ZBTB7C: variants seen among roughly 807,000 people sequenced by gnomAD.
ZBTB7C encodes the protein zinc finger and BTB domain containing 7C.
ZBTB7C carries 8 observed loss-of-function variants against 25.7 expected under a neutral mutation model. The observed-to-expected ratio is 0.31, with a 90% CI of 0.18 to 0.56. ZBTB7C has a LOEUF of 0.56. Ranked by LOEUF, ZBTB7C falls within the 20% of genes least tolerant of loss-of-function variation. The pLI is 0.91. For synonymous variants in ZBTB7C, 394 were observed against 369.0 expected, an observed-to-expected ratio of 1.07 and a Z score of -0.78; for missense variants, 824 against 855.2, an observed-to-expected ratio of 0.96 and a Z score of 0.46.
chr18:48,355,026 A>T (rs772764041), intron 1 of ZBTB7C, among the ~76,000 whole-genome samples: 4 of 152,082 alleles, frequency 2.6e-5, no homozygotes, highest in Non-Finnish European at 5.9e-5. Flanking sequence ...TCTGCCAGAC[A>T]TCCCTTCCCT....
At chr18:48,096,993 T>C (rs993484927) in intron 3 of ZBTB7C, among the ~76,000 whole-genome samples, 1 of 152,232 alleles carries the variant, frequency 6.6e-6, no homozygotes, top group African/African-American at 2.4e-5. Context: ...GCTACTACTA[T>C]CAAGGTATGG....
intron 2 of ZBTB7C, among the ~76,000 whole-genome samples, chr18:48,191,476 T>A (rs894360888): frequency 3.9e-5 from 6 of 152,256 alleles, no homozygotes; most frequent in Non-Finnish European, 1.5e-5. Context: ...AAACACTTGG[T>A]GCAGGACCTC....
intron 3 of ZBTB7C, among the ~76,000 whole-genome samples, chr18:48,044,029 G>A (rs2036368398): frequency 6.6e-6 from 1 of 152,226 alleles, no homozygotes; most frequent in South Asian, 2.1e-4. Context: ...GTGGAGAACA[G>A]TGTACCAGGC....
intron 2 of ZBTB7C, among the ~76,000 whole-genome samples, chr18:48,330,404 G>A (rs2046317027): frequency 1.3e-5 from 2 of 152,178 alleles, no homozygotes; most frequent in Admixed American, 6.5e-5. Flanking sequence ...CACACTCAGT[G>A]AGGCGAGTCA....
chr18:48,095,273 A>G (rs896534022), intron 3 of ZBTB7C, among the ~76,000 whole-genome samples: 8 of 152,178 alleles, frequency 5.3e-5, no homozygotes, highest in Admixed American at 6.5e-5. Flanking sequence ...GTGAGAACAG[A>G]GGTCTGCAAG....
chr18:48,090,148 T>C (rs942717716), intron 3 of ZBTB7C, among the ~76,000 whole-genome samples: 5 of 152,208 alleles, frequency 3.3e-5, no homozygotes. Flanking sequence ...ATGTGGTTTT[T>C]CCTGTGAGTC....
intron 1 of ZBTB7C, among the ~76,000 whole-genome samples, chr18:48,384,634 A>AT (rs373805477): frequency 1.5e-4 from 23 of 149,358 alleles, no homozygotes; most frequent in East Asian, 3.9e-4. Flanking sequence ...TATTTTTGCA[A>AT]TTTTTTTTTT....
intron 3 of ZBTB7C, among the ~76,000 whole-genome samples, chr18:48,057,089 G>T (rs57918992): frequency 0.023 from 3,040 of 132,602 alleles, 97 homozygotes; most frequent in African/African-American, 0.078. Flanking sequence ...TGAACAGGAA[G>T]ATCATAGAAA....
At position 48,040,654 on chromosome 18, in the gene ZBTB7C, C is replaced by T; in HGVS notation, c.454G>A (p.Glu152Lys). Residue 152 changes from glutamate to lysine, a missense_variant, in exon 4 of 5, where the codon GAG (glutamate) becomes AAG (lysine). Transcript: ENST00000590800. ...TCTTCCTCCTCCTCCTCTTCGTCCT[C>T]CTCATCATCATCATCTTCGTCGTCG... ...DDDDEDDDDE[E>K]DEEEEEEEEE... 2 of 1,613,836 alleles carry T rather than the reference C, an allele frequency of 1.2e-6. No individual in the cohort carries two copies. The highest frequency in any genetic ancestry group is 1.7e-6 in the Non-Finnish European group (2 of 1,179,864).
At chr18:48,359,123 C>G (rs2047044355) in intron 1 of ZBTB7C, among the ~76,000 whole-genome samples, 1 of 152,158 alleles carries the variant, frequency 6.6e-6, no homozygotes, top group Non-Finnish European at 1.5e-5. Context: ...GTGACCCCAG[C>G]CCCCAACAAA....
chr18:48,116,874 C>T lies in ZBTB7C; in HGVS notation c.-17+69060G>A, dbSNP rs79306880. 8.4e-3 allele frequency among the ~76,000 whole-genome samples: 1,277 copies of T among 152,264 alleles called. 11 individuals carry two copies. The highest frequency in any genetic ancestry group is 0.013 in the Non-Finnish European group (852 of 68,026). On this transcript the variant is annotated intron_variant, in intron 3 of 4. Transcript: ENST00000590800. ...GGCAGGCCAACTAGTTCTCCTGTCA[C>T]GCTATGAGTATAGGTCTGCCCTGTG...
At chr18:48,204,352 T>G (rs1288131385) in intron 2 of ZBTB7C, among the ~76,000 whole-genome samples, 1 of 152,166 alleles carries the variant, frequency 6.6e-6, no homozygotes, top group Non-Finnish European at 1.5e-5. Context: ...AGATACCCAC[T>G]GCACTTATCA....
intron 3 of ZBTB7C, among the ~76,000 whole-genome samples, chr18:48,093,201 A>T (rs983018600): frequency 6.6e-6 from 1 of 152,140 alleles, no homozygotes; most frequent in African/African-American, 2.4e-5. Flanking sequence ...CACAGAGTAG[A>T]CTCAGCCGTG....
At chr18:48,390,942 G>A in intron 1 of ZBTB7C, among the ~76,000 whole-genome samples, 1 of 152,182 alleles carries the variant, frequency 6.6e-6, no homozygotes, top group Middle Eastern at 3.2e-3. Context: ...ATGTGCTACA[G>A]GGCCAAAATG....
At chr18:48,091,910 A>T (rs2038431858) in intron 3 of ZBTB7C, among the ~76,000 whole-genome samples, 1 of 152,216 alleles carries the variant, frequency 6.6e-6, no homozygotes, top group African/African-American at 2.4e-5. Context: ...CACTTAGGCC[A>T]GTGCTTCTCT....
At chr18:48,317,908 C>A (rs1162610477) in intron 2 of ZBTB7C, among the ~76,000 whole-genome samples, 4 of 152,190 alleles carry the variant, frequency 2.6e-5, no homozygotes, top group African/African-American at 9.7e-5. Flanking sequence ...TTCTAACATG[C>A]AGCCTGGGTT....
chr18:48,399,183 C>T (rs1051761396), intron 1 of ZBTB7C, among the ~76,000 whole-genome samples: 10 of 152,184 alleles, frequency 6.6e-5, no homozygotes, highest in African/African-American at 2.4e-4. Context: ...CATGGATGCA[C>T]ACATACACAC....
chr18:48,246,397 T>A (rs1356940077), intron 2 of ZBTB7C, among the ~76,000 whole-genome samples: 2 of 151,478 alleles, frequency 1.3e-5, no homozygotes, highest in East Asian at 1.9e-4. Flanking sequence ...ACCACTGCAC[T>A]CCAGCCTGGG....
At chr18:48,310,633 G>A (rs1455876758) in intron 2 of ZBTB7C, among the ~76,000 whole-genome samples, 1 of 152,170 alleles carries the variant, frequency 6.6e-6, no homozygotes, top group Non-Finnish European at 1.5e-5. Context: ...TCACCCAAGT[G>A]CACAGGCCTG....
Sources: gnomAD v4.1 joint callset for allele counts (sites outside exome capture counted in the v4.1 genomes callset) on GRCh38, gnomAD v4.1.1 for gene constraint, MANE v1.5 for transcripts, NCBI Gene and HGNC (gene_info 2026-07-23, HGNC 2026-07-21) for gene names.